Variants in PLCE1 observed in about 807,000 individuals in gnomAD.
The protein encoded by PLCE1 is 1-phosphatidylinositol 4,5-bisphosphate phosphodiesterase epsilon-1.
A neutral mutation model predicts 242.8 loss-of-function variants in PLCE1; 119 were observed. The ratio of observed to expected loss-of-function variants is 0.49; its 90% CI spans 0.42 to 0.57. The LOEUF (loss-of-function observed/expected upper bound fraction) is 0.57. PLCE1 is among the 20% of genes least tolerant of loss of function. The pLI is 0.00. For missense variants in PLCE1, 2,441 were observed against 2,788.8 expected, an observed-to-expected ratio of 0.88 and a Z score of 2.81; for synonymous variants, 945 against 1,017.4, an observed-to-expected ratio of 0.93 and a Z score of 1.35.
intron 3 of PLCE1, among the ~76,000 whole-genome samples, chr10:94,135,968 A>G (rs934415726): frequency 2.0e-5 from 3 of 152,170 alleles, no homozygotes; most frequent in African/African-American, 7.2e-5. Flanking sequence ...TTTTAACGAG[A>G]TGTTTATAAA....
intron 4 of PLCE1, among the ~76,000 whole-genome samples, chr10:94,186,915 C>A (rs888050768): frequency 2.6e-5 from 4 of 152,200 alleles, no homozygotes; most frequent in Non-Finnish European, 5.9e-5. Flanking sequence ...CTGTGCCTTG[C>A]ACTGGGCACT....
chr10:94,265,976 T>A lies in PLCE1; in HGVS notation c.4281+18T>A. 1 of 1,613,002 alleles carries A rather than the reference T, an allele frequency of 6.2e-7. No homozygotes were observed. The highest frequency in any genetic ancestry group is 2.2e-5 in the East Asian group (1 of 44,848). ...ACAGCCAGGTACAGGGAATGCCACT[T>A]GGAATGTGGTTTTTATTAAACCTAA... On this transcript the variant is annotated intron_variant, in intron 16 of 32. Transcript: ENST00000371380.
At chr10:94,257,688 G>A (rs866309530) in intron 11 of PLCE1, among the ~76,000 whole-genome samples, 9 of 152,130 alleles carry the variant, frequency 5.9e-5, no homozygotes, top group Admixed American at 1.3e-4. Context: ...ACCAAACACC[G>A]CGTGTTCTCA....
intron 20 of PLCE1, among the ~76,000 whole-genome samples, chr10:94,282,915 G>A (rs774894951): frequency 2.0e-5 from 3 of 152,096 alleles, no homozygotes; most frequent in African/African-American, 4.8e-5. Context: ...TTAGCATGAC[G>A]TTGTGATACT....
At chr10:94,266,038 C>T in intron 16 of PLCE1, 80 bp downstream of exon 16, 1 of 1,336,750 alleles carries the variant, frequency 7.5e-7, no homozygotes. Context: ...AAAACCTGAC[C>T]CCAGACTCCT....
At chr10:94,301,343 CAAAAA>C (rs897921867) in intron 24 of PLCE1, among the ~76,000 whole-genome samples, 1 of 131,284 alleles carries the variant, frequency 7.6e-6, no homozygotes, top group African/African-American at 2.8e-5. Context: ...GATACTATCT[CAAAAA>C]AAAAAAGAAA....
intron 16 of PLCE1, 95 bp from the exon 17 acceptor site, chr10:94,268,834 A>G (rs1256869001): frequency 6.6e-6 from 5 of 762,294 alleles, no homozygotes; most frequent in Non-Finnish European, 9.5e-6. Flanking sequence ...CCTGAGTGTA[A>G]ACACTGCCTG....
chr10:94,288,045 CCA>C (rs2052521749), intron 22 of PLCE1, among the ~76,000 whole-genome samples: 1 of 152,096 alleles, frequency 6.6e-6, no homozygotes, highest in Admixed American at 6.6e-5. Context: ...CCCAGTTGTT[CCA>C]CAGTTAGGAG....
chr10:94,163,430 T>C (rs1412243616), intron 3 of PLCE1, among the ~76,000 whole-genome samples: 1 of 152,210 alleles, frequency 6.6e-6, no homozygotes, highest in African/African-American at 2.4e-5. Context: ...TTGTCTCCTT[T>C]GATCTTTGTT....
At chr10:94,119,323 TG>T (rs905591832) in intron 2 of PLCE1, among the ~76,000 whole-genome samples, 1 of 152,130 alleles carries the variant, frequency 6.6e-6, no homozygotes, top group African/African-American at 2.4e-5. Context: ...TGGAAGGCAA[TG>T]GATGTCCTCA....
chr10:94,022,791 A>G (rs1009687168), intron 1 of PLCE1, among the ~76,000 whole-genome samples: 1 of 152,104 alleles, frequency 6.6e-6, no homozygotes, highest in Admixed American at 6.6e-5. Flanking sequence ...GAATGGATTG[A>G]AACAGAAGGA....
chr10:94,220,869 G>T (rs567702121), intron 4 of PLCE1, among the ~76,000 whole-genome samples: 3 of 152,326 alleles, frequency 2.0e-5, no homozygotes, highest in South Asian at 4.1e-4. Context: ...ACAGGAAACG[G>T]TGGGGCTGGG....
At chr10:94,035,515 G>A (rs1371467230) in intron 2 of PLCE1, among the ~76,000 whole-genome samples, 1 of 152,148 alleles carries the variant, frequency 6.6e-6, no homozygotes, top group Non-Finnish European at 1.5e-5. Flanking sequence ...GGCTGGGAGA[G>A]GTTGCCACAC....
intron 16 of PLCE1, among the ~76,000 whole-genome samples, chr10:94,267,124 T>A (rs1236702251): frequency 2.0e-5 from 3 of 152,206 alleles, no homozygotes; most frequent in Non-Finnish European, 4.4e-5. Context: ...AATATACATA[T>A]AAATACAGAT....
intron 2 of PLCE1, among the ~76,000 whole-genome samples, chr10:94,079,662 G>T (rs1334040734): frequency 6.6e-6 from 1 of 152,084 alleles, no homozygotes; most frequent in Non-Finnish European, 1.5e-5. Context: ...ATTCTTTATA[G>T]CAGAGCCAGT....
chr10:94,047,198 G>A (rs914226831), intron 2 of PLCE1, among the ~76,000 whole-genome samples: 2 of 151,982 alleles, frequency 1.3e-5, no homozygotes, highest in Admixed American at 6.5e-5. Context: ...TTTTCTCTAG[G>A]GACCCTGACA....
At chr10:94,093,144 T>C (rs1430607246) in intron 2 of PLCE1, among the ~76,000 whole-genome samples, 1 of 152,198 alleles carries the variant, frequency 6.6e-6, no homozygotes, top group African/African-American at 2.4e-5. Flanking sequence ...ATTTTTACTT[T>C]TGAAAGTCTA....
chr10:94,178,999 C>T (rs1055670920), intron 4 of PLCE1, among the ~76,000 whole-genome samples: 1 of 152,174 alleles, frequency 6.6e-6, no homozygotes, highest in African/African-American at 2.4e-5. Context: ...TGAACACTCA[C>T]AGGATAAACT....
chr10:94,129,469 C>G (rs943800376), intron 2 of PLCE1, among the ~76,000 whole-genome samples: 4 of 152,110 alleles, frequency 2.6e-5, no homozygotes, highest in African/African-American at 9.7e-5. Flanking sequence ...CTTTCATGAT[C>G]AAGGAGTCCT....
Sources: gnomAD v4.1 joint callset for allele counts (sites outside exome capture counted in the v4.1 genomes callset) on GRCh38, gnomAD v4.1.1 for gene constraint, MANE v1.5 for transcripts, NCBI Gene and HGNC (gene_info 2026-07-23, HGNC 2026-07-21) for gene names.